The following STAU1 variants were observed in gnomAD, a reference collection of about 807,000 sequenced individuals.
STAU1 encodes staufen double-stranded RNA binding protein 1.
In STAU1, 13 loss-of-function variants were observed where a neutral mutation model predicts 62.9. The observed-to-expected ratio is 0.21, with a 90% CI of 0.13 to 0.33. The LOEUF is 0.33. STAU1 is among the 10% of genes least tolerant of loss of function. The pLI is 1.00. For missense variants in STAU1, 571 were observed against 712.1 expected, an observed-to-expected ratio of 0.80 and a Z score of 2.25; for synonymous variants, 269 against 265.1, an observed-to-expected ratio of 1.01 and a Z score of -0.14.
upstream of STAU1, chr20:49,188,426 G>A (rs1382864211): frequency 6.9e-6 from 1 of 144,562 alleles, no homozygotes; most frequent in Non-Finnish European, 1.5e-5. Flanking sequence ...CCCGGCCCCG[G>A]CCCCACCCCC....
chr20:49,165,772 TTTCAA>T (rs1289249000), intron 3 of STAU1, among the ~76,000 whole-genome samples: 7 of 152,236 alleles, frequency 4.6e-5, no homozygotes, highest in Non-Finnish European at 1.0e-4. Context: ...AGTTTTCAGC[TTTCAA>T]TTCTCTTTCT....
chr20:49,204,631 TATATATATATATA>T, the STAU1 span, among the ~76,000 whole-genome samples: 37 of 61,458 alleles, frequency 6.0e-4, no homozygotes, highest in South Asian at 7.0e-4. Flanking sequence ...TATGTGTATA[TATATATATATATA>T]TATTTTTTTT....
chr20:49,170,843 T>G (rs2042795001), intron 2 of STAU1, among the ~76,000 whole-genome samples: 1 of 151,894 alleles, frequency 6.6e-6, no homozygotes. Flanking sequence ...AGCCTCCTTT[T>G]CAGATCATCA....
intron 1 of STAU1, among the ~76,000 whole-genome samples, chr20:49,177,161 C>T (rs1190003562): frequency 1.3e-5 from 2 of 151,852 alleles, no homozygotes; most frequent in East Asian, 2.0e-4. Context: ...CCGCCCACCT[C>T]GGCCTCCCAA....
the STAU1 span, among the ~76,000 whole-genome samples, chr20:49,200,829 G>A: frequency 6.6e-6 from 1 of 151,488 alleles, no homozygotes; most frequent in African/African-American, 2.4e-5. Context: ...GAGCCCAGGA[G>A]TTTGAGACCA....
the STAU1 span, among the ~76,000 whole-genome samples, chr20:49,196,762 T>G: frequency 1.5e-5 from 2 of 135,650 alleles, no homozygotes; most frequent in Non-Finnish European, 3.1e-5. Context: ...ACAGCGAGAC[T>G]CTGTCTCAAA....
chr20:49,123,867 G>T (rs1384445227), intron 7 of STAU1, among the ~76,000 whole-genome samples: 1 of 152,218 alleles, frequency 6.6e-6, no homozygotes, highest in Non-Finnish European at 1.5e-5. Context: ...GTTCCCCATG[G>T]AATTATGTCC....
intron 12 of STAU1, among the ~76,000 whole-genome samples, chr20:49,116,682 C>T (rs1051384649): frequency 1.4e-4 from 22 of 152,174 alleles, no homozygotes; most frequent in African/African-American, 5.3e-4. Flanking sequence ...CAAGTGAATA[C>T]ATCACAGTTT....
At chr20:49,193,757 A>G in the STAU1 span, among the ~76,000 whole-genome samples, 181 of 151,982 alleles carry the variant, frequency 1.2e-3, no homozygotes, top group African/African-American at 4.2e-3. Context: ...TCACGAGGTC[A>G]GGAGATCAAG....
At chr20:49,206,609 G>T in the STAU1 span, among the ~76,000 whole-genome samples, 23 of 144,100 alleles carry the variant, frequency 1.6e-4, no homozygotes, top group African/African-American at 4.3e-4. Context: ...TCCTGGGCTC[G>T]AGTGAACCGC....
chr20:49,180,722 G>A (rs962392929), intron 1 of STAU1, among the ~76,000 whole-genome samples: 9 of 152,192 alleles, frequency 5.9e-5, no homozygotes, highest in African/African-American at 1.9e-4. Flanking sequence ...ACACAAACCT[G>A]TGGATCAGCT....
In STAU1 at chr20:49,119,540, T is replaced by A. The variant is rs116524202; in HGVS notation, c.1113+442A>T. On this transcript the variant is annotated intron_variant, in intron 9 of 13. Transcript: ENST00000371856. ...AGAAATCCCAAACCTAAACTTTGGA[T>A]TTGGCCTGTCTCTACTGTCACACTG... Among the ~76,000 whole-genome samples the A allele has an allele frequency of 3.6e-3, 549 of 152,322 alleles. 3 individuals are homozygous for A. The highest frequency in any genetic ancestry group is 0.013 in the African/African-American group (531 of 41,560).
At chr20:49,145,356 G>T (rs547258548) in intron 5 of STAU1, among the ~76,000 whole-genome samples, 1 of 150,580 alleles carries the variant, frequency 6.6e-6, no homozygotes, top group African/African-American at 2.5e-5. Context: ...GCTGGGAGGC[G>T]GAGGTTGCAG....
At chr20:49,205,613 C>T in the STAU1 span, among the ~76,000 whole-genome samples, 3 of 150,646 alleles carry the variant, frequency 2.0e-5, no homozygotes, top group African/African-American at 7.3e-5. Context: ...ATCCACCCAC[C>T]TCGGCCTCCC....
At chr20:49,206,414 G>GTTTTTTTT in the STAU1 span, among the ~76,000 whole-genome samples, 5 of 76,596 alleles carry the variant, frequency 6.5e-5, no homozygotes, top group Admixed American at 1.7e-4. Context: ...CTTCCTTCTG[G>GTTTTTTTT]TTTTTTTTTT....
chr20:49,202,044 C>A, the STAU1 span, among the ~76,000 whole-genome samples: 3 of 150,564 alleles, frequency 2.0e-5, no homozygotes, highest in East Asian at 6.0e-4. Flanking sequence ...CACGGTGAAA[C>A]CCCGTCTCTA....
the STAU1 span, among the ~76,000 whole-genome samples, chr20:49,195,535 C>CAAAAAAA: frequency 1.0e-3 from 39 of 38,148 alleles, 3 homozygotes; most frequent in Admixed American, 3.2e-3. Flanking sequence ...GACTCCGTCT[C>CAAAAAAA]AAAAAAAAAA....
In STAU1 at chr20:49,123,119, G is replaced by T. The variant is rs778549192; in HGVS notation, c.939C>A (p.Leu313=). ...GCATCACAAACTCCCTGCGGCGCGG[G>T]AGGCCTCGCTCTGTGAGGAGCGTGT... ...PEYTLLTERG[L]PRRREFVMQV... Residue 313 remains leucine, a synonymous_variant, in exon 8 of 14, where the codon CTC becomes CTA. Coordinates refer to ENST00000371856, the MANE Select transcript of STAU1 (RefSeq NM_017453.4). 2 of 1,611,340 alleles carry T rather than the reference G, an allele frequency of 1.2e-6. No individual in the cohort carries two copies. The highest frequency in any genetic ancestry group is 3.4e-5 in the Admixed American group (2 of 59,456).
At chr20:49,142,812 T>C (rs763315814) in intron 5 of STAU1, among the ~76,000 whole-genome samples, 1 of 152,158 alleles carries the variant, frequency 6.6e-6, no homozygotes, top group Non-Finnish European at 1.5e-5. Context: ...ACACAATTTT[T>C]TTCTTTTGAG....
Sources: gnomAD v4.1 joint callset for allele counts (sites outside exome capture counted in the v4.1 genomes callset) on GRCh38, gnomAD v4.1.1 for gene constraint, MANE v1.5 for transcripts, NCBI Gene and HGNC (gene_info 2026-07-23, HGNC 2026-07-21) for gene names.